The following MTMR2 variants were observed in gnomAD, a reference collection of about 807,000 sequenced individuals.
MTMR2 encodes the protein myotubularin related protein 2.
In MTMR2, 55 loss-of-function variants were observed where a neutral mutation model predicts 86.9. The ratio of observed to expected loss-of-function variants is 0.63; its 90% CI spans 0.51 to 0.79. The LOEUF is 0.79. Ranked by LOEUF, MTMR2 falls within the 30% of genes least tolerant of loss-of-function variation. MTMR2 has a pLI of 0.00. For synonymous variants in MTMR2, 241 were observed against 266.8 expected (o/e 0.90, Z 0.94); for missense variants, 659 against 772.3 (o/e 0.85, Z 1.74).
At chr11:95,845,883 A>T (rs1450059519) in intron 10 of MTMR2, among the ~76,000 whole-genome samples, 1 of 68,042 alleles carries the variant, frequency 1.5e-5, no homozygotes, top group Non-Finnish European at 2.3e-5. Flanking sequence ...ATGGTATCTT[A>T]AAAAAAAAAA....
At chr11:95,904,339 T>G (rs1448877420) in intron 1 of MTMR2, among the ~76,000 whole-genome samples, 1 of 152,180 alleles carries the variant, frequency 6.6e-6, no homozygotes, top group Non-Finnish European at 1.5e-5. Flanking sequence ...TCTCTGAGCT[T>G]CTTTATAGCA....
chr11:95,893,962 T>C (rs1054228476), intron 1 of MTMR2, among the ~76,000 whole-genome samples: 3 of 152,186 alleles, frequency 2.0e-5, no homozygotes, highest in East Asian at 1.9e-4. Flanking sequence ...TAAATCTTCA[T>C]TGATTCCTCA....
intron 1 of MTMR2, among the ~76,000 whole-genome samples, chr11:95,894,846 CAAT>C (rs1176406497): frequency 2.0e-5 from 3 of 151,964 alleles, no homozygotes; most frequent in Non-Finnish European, 4.4e-5. Flanking sequence ...ATTACATCAC[CAAT>C]AATAACTTTT....
chr11:95,878,886 G>A (rs1379563749), intron 2 of MTMR2, among the ~76,000 whole-genome samples: 1 of 152,032 alleles, frequency 6.6e-6, no homozygotes, highest in Non-Finnish European at 1.5e-5. Flanking sequence ...TCATACCAAG[G>A]AGAATGAGCC....
At chr11:95,905,437 T>A (rs1372925564) in intron 1 of MTMR2, among the ~76,000 whole-genome samples, 1 of 151,556 alleles carries the variant, frequency 6.6e-6, no homozygotes, top group African/African-American at 2.4e-5. Flanking sequence ...ATCCTGTAAT[T>A]GACAACAGTG....
chr11:95,881,004 C>T (rs1315774481), intron 2 of MTMR2, among the ~76,000 whole-genome samples: 3 of 151,946 alleles, frequency 2.0e-5, no homozygotes, highest in African/African-American at 7.2e-5. Flanking sequence ...AAATATTCTT[C>T]CTGATATCGT....
intron 2 of MTMR2, among the ~76,000 whole-genome samples, chr11:95,873,691 G>C (rs191494519): frequency 6.6e-6 from 1 of 151,844 alleles, no homozygotes; most frequent in East Asian, 1.9e-4. Context: ...TGATGTTAGG[G>C]TGTCAATTTT....
intron 14 of MTMR2, 104 bp from the exon 15 acceptor site, chr11:95,835,555 C>A: frequency 1.8e-6 from 2 of 1,137,188 alleles, no homozygotes; most frequent in Non-Finnish European, 2.6e-6. Flanking sequence ...CTGTTGGAAC[C>A]AATGGCACCT....
chr11:95,835,952 A>C (rs1863253385), intron 14 of MTMR2, among the ~76,000 whole-genome samples, 196 bp downstream of exon 14: 3 of 152,084 alleles, frequency 2.0e-5, no homozygotes, highest in Admixed American at 2.0e-4. Flanking sequence ...GTCCAATGTC[A>C]TACAAGCAGT....
intron 2 of MTMR2, among the ~76,000 whole-genome samples, chr11:95,876,455 A>G (rs1410369462): frequency 2.0e-5 from 3 of 152,168 alleles, no homozygotes; most frequent in African/African-American, 7.2e-5. Flanking sequence ...ATTGGGTCAA[A>G]ATAATGTTAC....
chr11:95,843,562 C>G (rs903061803), intron 11 of MTMR2, among the ~76,000 whole-genome samples: 1 of 152,148 alleles, frequency 6.6e-6, no homozygotes, highest in Non-Finnish European at 1.5e-5. Context: ...AAAATACTTT[C>G]TGCTTTTCCA....
At chr11:95,904,602 T>C (rs1336821805) in intron 1 of MTMR2, among the ~76,000 whole-genome samples, 1 of 152,134 alleles carries the variant, frequency 6.6e-6, no homozygotes, top group Non-Finnish European at 1.5e-5. Context: ...GAGGTGACCT[T>C]TGGTTGTCCT....
intron 7 of MTMR2, among the ~76,000 whole-genome samples, chr11:95,851,016 T>A (rs1253622170): frequency 7.1e-6 from 1 of 141,666 alleles, no homozygotes; most frequent in Non-Finnish European, 1.6e-5. Context: ...GCTAAGCATA[T>A]TCAGGAGGTG....
chr11:95,844,138 G>T (rs1243127966), intron 11 of MTMR2, among the ~76,000 whole-genome samples: 1 of 152,100 alleles, frequency 6.6e-6, no homozygotes, highest in Non-Finnish European at 1.5e-5. Context: ...GTTTGATTTT[G>T]AACACATTTA....
intron 1 of MTMR2, among the ~76,000 whole-genome samples, chr11:95,894,184 C>T (rs533190820): frequency 4.6e-5 from 7 of 152,254 alleles, no homozygotes; most frequent in African/African-American, 1.4e-4. Context: ...CTTCCATGCC[C>T]TCTTTGTCCC....
intron 13 of MTMR2, among the ~76,000 whole-genome samples, chr11:95,837,414 A>G (rs1863333261): frequency 6.6e-6 from 1 of 152,038 alleles, no homozygotes; most frequent in Admixed American, 6.6e-5. Flanking sequence ...TTGTAACCAC[A>G]TTTTTTAGAA....
intron 9 of MTMR2, 122 bp downstream of exon 9, chr11:95,849,552 G>C: frequency 4.5e-6 from 4 of 889,904 alleles, no homozygotes; most frequent in Non-Finnish European, 7.3e-6. Context: ...AAGTTGAAGA[G>C]CCAAGACAAG....
At position 95,888,064 on chromosome 11, in the gene MTMR2, A is replaced by G. The variant is rs111626051; in HGVS notation, c.186+92T>C. 4.2e-4 allele frequency: 392 copies of G among 923,174 alleles called. 1 individual carries two copies. In the African/African-American group the frequency reaches 5.8e-3, roughly 14 times the overall value. The allele number at this position is 923,174 out of a possible 1,614,324, so 57.2% of individuals were successfully genotyped here. A position where few individuals can be genotyped will look rare whatever the true frequency, so the allele number is the denominator to read the frequency against. ...CCGGGATCTATGAGAATACTCCATC[A>G]GTATCTCCTGCTAAATTAGTTATAT... On this transcript the variant is annotated intron_variant, in intron 2 of 14. Coordinates refer to ENST00000346299, the MANE Select transcript of MTMR2 (RefSeq NM_016156.6).
intron 14 of MTMR2, among the ~76,000 whole-genome samples, 180 bp from the exon 15 acceptor site, chr11:95,835,631 C>G (rs1037437449): frequency 6.6e-6 from 1 of 151,974 alleles, no homozygotes; most frequent in Non-Finnish European, 1.5e-5. Context: ...ACTGGCTTTC[C>G]CAGTGCCCCT....
Sources: gnomAD v4.1 joint callset for allele counts (sites outside exome capture counted in the v4.1 genomes callset) on GRCh38, gnomAD v4.1.1 for gene constraint, MANE v1.5 for transcripts, NCBI Gene and HGNC (gene_info 2026-07-23, HGNC 2026-07-21) for gene names.